NUP160: variants seen among roughly 807,000 people sequenced by gnomAD.
NUP160 encodes nucleoporin 160, also known as nuclear pore complex protein Nup160.
In NUP160, 94 loss-of-function variants were observed where a neutral mutation model predicts 196.9. The ratio of observed to expected loss-of-function variants is 0.48; its 90% CI spans 0.40 to 0.57. NUP160 has a LOEUF of 0.57. Ranked by LOEUF, NUP160 falls within the 20% of genes least tolerant of loss-of-function variation. The pLI, the probability that NUP160 is intolerant of heterozygous loss-of-function variation, is 0.00. For missense variants in NUP160, 1,638 were observed against 1,748.3 expected (o/e 0.94, Z 1.13); for synonymous variants, 605 against 619.7 (o/e 0.98, Z 0.35).
intron 6 of NUP160, 38 bp downstream of exon 6, chr11:47,836,849 C>T (rs759163797): frequency 2.7e-5 from 33 of 1,215,546 alleles, no homozygotes; most frequent in Non-Finnish European, 3.6e-5. Flanking sequence ...ATTCACAATC[C>T]TGTTTTAACT....
exon 13 of NUP160, chr11:47,815,549 T>G (rs2097683945): frequency 1.2e-6 from 2 of 1,613,050 alleles, no homozygotes; most frequent in Admixed American, 1.7e-5. Context: ...GAGGGCTTCT[T>G]GATACTGAAG....
chr11:47,796,628 T>C (rs569737265), intron 27 of NUP160, among the ~76,000 whole-genome samples: 1 of 152,342 alleles, frequency 6.6e-6, no homozygotes, highest in East Asian at 1.9e-4. Flanking sequence ...ACTGCGTTAA[T>C]GTTTTAACTT....
chr11:47,821,504 A>G (rs778528985), intron 9 of NUP160: 2 of 504,288 alleles, frequency 4.0e-6, no homozygotes, highest in Non-Finnish European at 3.5e-6. Context: ...CTGGGATTAT[A>G]GGCACCTGCC....
exon 13 of NUP160, chr11:47,815,604 G>T (rs2097683997): frequency 6.2e-7 from 1 of 1,611,578 alleles, no homozygotes; most frequent in African/African-American, 1.3e-5. Context: ...TGTAAATTTC[G>T]AAACTCCTCC....
At chr11:47,806,977 C>A in intron 19 of NUP160, 93 bp downstream of exon 19, 2 of 898,994 alleles carry the variant, frequency 2.2e-6, no homozygotes, top group Non-Finnish European at 3.6e-6. Flanking sequence ...GCCTAGCCAA[C>A]CTTTCTATGG....
chr11:47,846,641 GAGCCACC>G (rs963116104), intron 2 of NUP160, among the ~76,000 whole-genome samples: 2 of 152,010 alleles, frequency 1.3e-5, no homozygotes, highest in African/African-American at 2.4e-5. Context: ...TCCCACAATT[GAGCCACC>G]AGCAACCCTT....
At chr11:47,791,970 G>C in exon 29 of NUP160, 1 of 1,611,644 alleles carries the variant, frequency 6.2e-7, no homozygotes, top group Non-Finnish European at 8.5e-7. Flanking sequence ...TCCTCTTAGG[G>C]GATGCTCCAG....
chr11:47,812,014 G>A (rs370803389), intron 17 of NUP160, 50 bp downstream of exon 17: 6 of 1,572,752 alleles, frequency 3.8e-6, no homozygotes, highest in South Asian at 3.4e-5. Flanking sequence ...GTGCTTGTAG[G>A]CCTATAACAG....
exon 17 of NUP160, chr11:47,812,071 C>G (rs1324302220): frequency 1.2e-6 from 2 of 1,613,932 alleles, no homozygotes; most frequent in African/African-American, 1.3e-5. Flanking sequence ...TACAGCATCT[C>G]CAAGCCTCAT....
intron 9 of NUP160, among the ~76,000 whole-genome samples, chr11:47,820,040 A>G (rs1025257008): frequency 6.6e-5 from 10 of 152,194 alleles, no homozygotes; most frequent in African/African-American, 2.2e-4. Flanking sequence ...CCTGAGGTCA[A>G]TCTGGAGGGC....
At chr11:47,813,230 A>T (rs970459850) in intron 14 of NUP160, 86 bp downstream of exon 14, 1 of 1,104,748 alleles carries the variant, frequency 9.1e-7, no homozygotes, top group Non-Finnish European at 1.4e-6. Flanking sequence ...CAGGTGTGGC[A>T]ATCGATATTT....
chr11:47,812,543 A>T, intron 15 of NUP160, 114 bp from the exon 16 acceptor site: 4 of 1,070,446 alleles, frequency 3.7e-6, no homozygotes, highest in Non-Finnish European at 5.4e-6. Flanking sequence ...AGGAATGAAG[A>T]TAATCACTCT....
intron 29 of NUP160, among the ~76,000 whole-genome samples, chr11:47,789,530 A>C (rs1197139779): frequency 2.6e-5 from 4 of 152,192 alleles, no homozygotes; most frequent in Non-Finnish European, 5.9e-5. Context: ...GAAAAAAACC[A>C]CATTCTTATT....
chr11:47,823,264 A>T (rs558095753), intron 7 of NUP160, among the ~76,000 whole-genome samples: 18 of 152,202 alleles, frequency 1.2e-4, no homozygotes, highest in Non-Finnish European at 2.5e-4. Context: ...TGTTAAGTAT[A>T]TTCACACTGT....
intron 14 of NUP160, 34 bp from the exon 15 acceptor site, chr11:47,813,081 A>C: frequency 1.4e-6 from 2 of 1,446,568 alleles, no homozygotes; most frequent in Non-Finnish European, 1.9e-6. Flanking sequence ...TTTATGTCTT[A>C]AGCCAATGAC....
intron 23 of NUP160, among the ~76,000 whole-genome samples, chr11:47,800,333 T>G (rs943389291): frequency 6.6e-6 from 1 of 151,932 alleles, no homozygotes; most frequent in African/African-American, 2.4e-5. Flanking sequence ...TCTCATTCTG[T>G]CACCCAGGCT....
intron 17 of NUP160, among the ~76,000 whole-genome samples, chr11:47,811,496 AAG>A (rs56350175): frequency 2.6e-5 from 4 of 151,834 alleles, no homozygotes; most frequent in African/African-American, 7.3e-5. Context: ...AAAAAAAAAA[AAG>A]AGAGAGAGAC....
Position 47,808,543 on chromosome 11 carries a change from G to T in NUP160, c.2242-14C>A. 1 of 1,607,832 alleles carries T rather than the reference G, an allele frequency of 6.2e-7. No individual in the cohort carries two copies. The highest frequency in any genetic ancestry group is 8.5e-7 in the Non-Finnish European group (1 of 1,177,156). On this transcript the variant is annotated splice_polypyrimidine_tract_variant and intron_variant, in intron 17 of 35. Transcript: ENST00000378460. The stretch of plus-strand genomic sequence containing the variant: ...TCCCCAAATCACCTATACATTATGG[G>T]TAGGTGGACCAGACAAGAAATTATA...
chr11:47,815,361 C>T, intron 13 of NUP160, 118 bp downstream of exon 13: 3 of 665,678 alleles, frequency 4.5e-6, no homozygotes, highest in Non-Finnish European at 7.1e-6. Flanking sequence ...CTAACCGCAA[C>T]ATTCACCAGA....
Sources: allele counts gnomAD v4.1 joint callset (sites outside exome capture counted in the v4.1 genomes callset), GRCh38; gene constraint gnomAD v4.1.1; transcripts MANE v1.5; gene names NCBI Gene and HGNC (gene_info 2026-07-23, HGNC 2026-07-21).